B4GALNT3: variants seen among roughly 807,000 people sequenced by gnomAD.
The protein encoded by B4GALNT3 is beta-1,4-N-acetylgalactosaminyltransferase 3.
A neutral mutation model predicts 120.2 loss-of-function variants in B4GALNT3; 86 were observed. The observed-to-expected ratio is 0.72, with a 90% confidence interval of 0.60 to 0.86. The LOEUF is 0.86. B4GALNT3 is among the 40% of genes least tolerant of loss of function. The pLI is 0.00. For synonymous variants in B4GALNT3, 518 were observed against 510.4 expected (o/e 1.01, Z -0.20); for missense variants, 1,167 against 1,298.9 (o/e 0.90, Z 1.56).
At chr12:544,122 G>A (rs1357489479) in intron 3 of B4GALNT3, among the ~76,000 whole-genome samples, 3 of 131,646 alleles carry the variant, frequency 2.3e-5, no homozygotes, top group Admixed American at 7.4e-5. Flanking sequence ...GAGCTGGGAC[G>A]GGCATGGGGT....
At chr12:516,005 G>A (rs1271766762) in intron 1 of B4GALNT3, among the ~76,000 whole-genome samples, 1 of 152,026 alleles carries the variant, frequency 6.6e-6, no homozygotes, top group Non-Finnish European at 1.5e-5. Flanking sequence ...AATTAGCCAG[G>A]CGTGGTGGCG....
At chr12:503,920 G>C (rs1946468733) in intron 1 of B4GALNT3, among the ~76,000 whole-genome samples, 1 of 152,142 alleles carries the variant, frequency 6.6e-6, no homozygotes, top group Non-Finnish European at 1.5e-5. Flanking sequence ...TTCGAGACCA[G>C]CCTGACCAAC....
At chr12:469,568 T>A (rs1466607483) in intron 1 of B4GALNT3, among the ~76,000 whole-genome samples, 1 of 152,106 alleles carries the variant, frequency 6.6e-6, no homozygotes, top group Non-Finnish European at 1.5e-5. Flanking sequence ...ACTTTTTTCC[T>A]CCATGATGTT....
chr12:559,145 A>T, intron 18 of B4GALNT3, 150 bp from the exon 19 acceptor site: 1 of 1,050,202 alleles, frequency 9.5e-7, no homozygotes, highest in Non-Finnish European at 1.4e-6. Flanking sequence ...AAAACAGGCA[A>T]AGTACTTGTT....
At position 550,026 on chromosome 12, in the gene B4GALNT3, C is replaced by A; in HGVS notation, c.997+114C>A. ...GCCAAGTATCCCAATCACCGTAGAACTTTTTATCGTCCTTGTAACATAGAA... is the reference window on the plus strand; with the variant it reads ...GCCAAGTATCCCAATCACCGTAGAAATTTTTATCGTCCTTGTAACATAGAA... On this transcript the variant is annotated intron_variant, in intron 10 of 19. Transcript: ENST00000266383. This position sits in a 1 kb window ranked among gnomAD's most constrained non-coding sequence, Gnocchi z 4.1. The A allele has an allele frequency of 1.7e-6, 2 of 1,202,174 alleles. No homozygotes were observed. Among genetic ancestry groups the A allele is most frequent in the Non-Finnish European group, 2.3e-6 (2 of 863,492 alleles). The allele number at this position is 1,202,174 out of a possible 1,614,324, so 74.5% of individuals were successfully genotyped here. A position where few individuals can be genotyped will look rare whatever the true frequency, so the allele number is the denominator to read the frequency against.
intron 14 of B4GALNT3, 108 bp downstream of exon 14, chr12:554,091 T>G: frequency 1.3e-6 from 1 of 742,180 alleles, no homozygotes; most frequent in Non-Finnish European, 2.2e-6. Flanking sequence ...GCCGCGGAAA[T>G]AGCTGGAACT....
chr12:537,817 A>T (rs1463395594), intron 3 of B4GALNT3, among the ~76,000 whole-genome samples: 1 of 152,130 alleles, frequency 6.6e-6, no homozygotes. Flanking sequence ...CATACCTATC[A>T]TAGGTGGAGC....
intron 6 of B4GALNT3, 67 bp from the exon 7 acceptor site, chr12:546,579 A>G: frequency 7.1e-7 from 1 of 1,413,314 alleles, no homozygotes; most frequent in Non-Finnish European, 9.8e-7. Flanking sequence ...CTGGTCTCGC[A>G]CTCACCGCCT....
rs1195844229 is a variant in B4GALNT3, at chr12:544,352, C to A, written c.365C>A (p.Ala122Asp). The change falls in exon 4 of 20, where the codon GCC (alanine) becomes GAC (aspartate). Residue 122 changes from alanine to aspartate, a missense_variant. Physicochemically the swap from Ala to Asp is moderately radical, Grantham distance 126 (BLOSUM62 -2). Around this residue, in one of 3 missense-constraint regions of B4GALNT3, gnomAD observed 171 missense variants for 161.3 expected, o/e 1.06. Coordinates refer to ENST00000266383, the MANE Select transcript of B4GALNT3 (RefSeq NM_173593.4). ...VPWLSEFRGRANLHVFEDWCG... is the reference protein window; with the variant it reads ...VPWLSEFRGRDNLHVFEDWCG... ...TCCGCCCTGCAGTTCCGGGGCCGTG[C>A]CAACCTGCATGTGTTTGAAGACTGG... The A allele has an allele frequency of 6.2e-7, 1 of 1,613,624 alleles. No homozygotes were observed. Among genetic ancestry groups the A allele is most frequent in the African/African-American group, 1.3e-5 (1 of 75,018 alleles).
chr12:540,978 C>A (rs900812117), intron 3 of B4GALNT3, among the ~76,000 whole-genome samples: 5 of 152,174 alleles, frequency 3.3e-5, no homozygotes, highest in Admixed American at 3.3e-4. Context: ...CTCCTGACCT[C>A]GTGATCCGCC....
chr12:522,933 ACT>A (rs1370333955), intron 1 of B4GALNT3, among the ~76,000 whole-genome samples: 2 of 101,708 alleles, frequency 2.0e-5, no homozygotes, highest in African/African-American at 4.6e-5. Flanking sequence ...ACAGAGGGAG[ACT>A]CTGTTTAAAA....
At position 542,322 on chromosome 12, in the gene B4GALNT3, C is replaced by T. The variant is rs115213644; in HGVS notation, c.352-2017C>T. ...CACCAGCCACACCTGGGACCTCGGG[C>T]ACTCCTGTTGAGGAGTTATTCCCTG... On this transcript the variant is annotated intron_variant, in intron 3 of 19. Transcript: ENST00000266383. 6.7e-3 allele frequency among the ~76,000 whole-genome samples: 1,014 copies of T among 152,098 alleles called. 20 individuals carry two copies. Among genetic ancestry groups the T allele is most frequent in the African/African-American group, 0.023 (941 of 41,526 alleles).
intron 1 of B4GALNT3, among the ~76,000 whole-genome samples, chr12:477,492 T>G (rs1946196055): frequency 6.6e-6 from 1 of 152,182 alleles, no homozygotes; most frequent in Admixed American, 6.5e-5. Flanking sequence ...TGAATTGAAT[T>G]TTCACATTGC....
chr12:466,813 C>A (rs879498668), intron 1 of B4GALNT3, among the ~76,000 whole-genome samples: 1 of 152,124 alleles, frequency 6.6e-6, no homozygotes, highest in South Asian at 2.1e-4. Flanking sequence ...CTACAAAAGG[C>A]CTGATACTGA....
intron 1 of B4GALNT3, among the ~76,000 whole-genome samples, chr12:478,283 TA>T (rs10718025): frequency 0.52 from 68,298 of 131,078 alleles, 16,872 homozygotes; most frequent in Middle Eastern, 0.6. Flanking sequence ...TTAGAGGAGG[TA>T]AAAAAAAAAA....
At position 546,944 on chromosome 12, in the gene B4GALNT3, C is replaced by A. The variant is rs148537856; in HGVS notation, c.707+231C>A. The A allele has an allele frequency of 7.1e-3, 4,040 of 567,814 alleles. 27 individuals are homozygous for A. The highest frequency in any genetic ancestry group is 0.027 in the Middle Eastern group (58 of 2,136). 35.2% of individuals were successfully genotyped at this position (567,814 alleles called of 1,614,324 possible). A position where few individuals can be genotyped will look rare whatever the true frequency, so the allele number is the denominator to read the frequency against. ...GTGACTTATTGCAGGTCACGCAGCT[C>A]TTTAGTGACACGCGGGACTGGAAAA... On this transcript the variant is annotated intron_variant, in intron 7 of 19. Transcript: ENST00000266383.
intron 16 of B4GALNT3, 127 bp from the exon 17 acceptor site, chr12:557,889 A>T: frequency 2.0e-6 from 3 of 1,464,824 alleles, no homozygotes; most frequent in Non-Finnish European, 2.8e-6. Flanking sequence ...AACTTTTCCC[A>T]GAGGGCTCAC....
intron 14 of B4GALNT3, among the ~76,000 whole-genome samples, chr12:555,893 C>T (rs1592058674): frequency 6.6e-6 from 1 of 152,040 alleles, no homozygotes. Flanking sequence ...ACGCCATTCT[C>T]CTGCCTCAGC....
At chr12:467,802 C>T (rs534754123) in intron 1 of B4GALNT3, among the ~76,000 whole-genome samples, 4 of 152,286 alleles carry the variant, frequency 2.6e-5, no homozygotes, top group Non-Finnish European at 4.4e-5. Flanking sequence ...AACTGTTGCT[C>T]ATTCCTGTAT....
Sources: gnomAD v4.1 joint callset for allele counts (sites outside exome capture counted in the v4.1 genomes callset) on GRCh38, gnomAD v4.1.1 for gene constraint, gnomAD v4.1.1 regional missense constraint, Gnocchi (gnomAD v3.1) non-coding constraint, MANE v1.5 for transcripts, NCBI Gene and HGNC (gene_info 2026-07-23, HGNC 2026-07-21) for gene names.